Variants in CUL3 observed in about 807,000 individuals in gnomAD.
The protein encoded by CUL3 is cullin 3, also known as cullin-3.
Under a neutral mutation model 89.1 loss-of-function variants are expected in CUL3, and 19 were observed. That is an observed-to-expected ratio of 0.21 (90% CI 0.15 to 0.31). CUL3 has a LOEUF of 0.31. Among genes scored for constraint, CUL3 ranks in the 10% least tolerant of loss-of-function variants. CUL3 has a pLI of 1.00. For missense variants in CUL3, 469 were observed against 942.3 expected (o/e 0.50, Z 6.58); for synonymous variants, 351 against 308.4 (o/e 1.14, Z -1.45).
rs1691399068 is a variant in CUL3 at position 224,478,322 on chromosome 2, C to T, written c.2053G>A (p.Asp685Asn). The change falls in exon 15 of 16, where the codon GAC (aspartate) becomes AAC (asparagine). Residue 685 changes from aspartate (D) to asparagine (N), a missense_variant. Coordinates refer to ENST00000264414, the MANE Select transcript of CUL3 (RefSeq NM_003590.5). ...TGCCTTGTTTCTTTCCTCTCTGGGT[C>T]GGATTCACCTTGTTTGGCAGCAACT... ...QTVAAKQGESDPERKETRQKV... is the reference protein window; with the variant it reads ...QTVAAKQGESNPERKETRQKV... 1.2e-6 allele frequency: 2 copies of T among 1,612,810 alleles called. No homozygotes were observed. The highest frequency in any genetic ancestry group is 8.5e-7 in the Non-Finnish European group (1 of 1,179,460).
intron 13 of CUL3, among the ~76,000 whole-genome samples, chr2:224,491,960 A>G (rs1418000312): frequency 6.6e-6 from 1 of 152,160 alleles, no homozygotes; most frequent in Non-Finnish European, 1.5e-5. Flanking sequence ...ATCCTTTTTG[A>G]ACACAGTGCA....
At chr2:224,570,379 T>C (rs1249639840) in intron 1 of CUL3, among the ~76,000 whole-genome samples, 1 of 152,242 alleles carries the variant, frequency 6.6e-6, no homozygotes. Flanking sequence ...CAAAGCTCAC[T>C]TTCCTCATTT....
intron 2 of CUL3, among the ~76,000 whole-genome samples, chr2:224,555,427 A>T (rs188108437): frequency 2.6e-5 from 4 of 152,256 alleles, no homozygotes; most frequent in Admixed American, 2.0e-4. Context: ...TCAATTTTAC[A>T]TTTATAGCAT....
intron 14 of CUL3, among the ~76,000 whole-genome samples, chr2:224,481,350 T>C (rs1691531630): frequency 6.6e-6 from 1 of 151,864 alleles, no homozygotes; most frequent in Non-Finnish European, 1.5e-5. Flanking sequence ...TCTTACATTA[T>C]GTTAAATGTT....
intron 14 of CUL3, chr2:224,480,099 A>AGGTGGTGGT (rs71062931): frequency 1.3e-5 from 2 of 151,316 alleles, no homozygotes; most frequent in Non-Finnish European, 2.9e-5. Context: ...TGAGAAAGGC[A>AGGTGGTGGT]GGTGGTGGTG....
chr2:224,474,408 A>G, intron 15 of CUL3, 32 bp from the exon 16 acceptor site: 2 of 1,585,500 alleles, frequency 1.3e-6, no homozygotes, highest in Non-Finnish European at 1.7e-6. Context: ...ATTTTTATAT[A>G]AACACATAAA....
intron 3 of CUL3, among the ~76,000 whole-genome samples, chr2:224,516,430 C>T (rs1693052770): frequency 6.6e-6 from 1 of 151,218 alleles, no homozygotes; most frequent in Non-Finnish European, 1.5e-5. Flanking sequence ...GATTCTCCTG[C>T]CTCAGCCTCG....
chr2:224,548,522 T>G (rs1188582067), intron 2 of CUL3, among the ~76,000 whole-genome samples: 1 of 152,220 alleles, frequency 6.6e-6, no homozygotes, highest in African/African-American at 2.4e-5. Context: ...GAAACCAACT[T>G]TCAAAGTTCA....
rs543466188 is a variant in CUL3 at position 224,558,872 on chromosome 2, T to C, written c.67-1016A>G. Among the ~76,000 whole-genome samples the C allele has an allele frequency of 5.5e-3, 60 of 11,000 alleles. 1 individual carries two copies. Among genetic ancestry groups the C allele is most frequent in the African/African-American group, 6.5e-3 (4 of 616 alleles). 7.2% of individuals were successfully genotyped at this position (11,000 alleles called of 152,430 possible). On this transcript the variant is annotated intron_variant, in intron 1 of 15. Coordinates refer to ENST00000264414, the MANE Select transcript of CUL3 (RefSeq NM_003590.5). ...CCTGGCTAATACGGTCTCTACTAAA[T>C]ATACAAAAAATATACTAAATATACA... is the stretch of plus-strand genomic sequence containing the variant.
At chr2:224,512,941 A>C (rs1413566540) in intron 5 of CUL3, among the ~76,000 whole-genome samples, 1 of 152,150 alleles carries the variant, frequency 6.6e-6, no homozygotes, top group African/African-American at 2.4e-5. Context: ...CTACCACCTT[A>C]GACAGCAAGA....
chr2:224,476,168 C>A (rs1691312463), intron 15 of CUL3, among the ~76,000 whole-genome samples: 1 of 152,040 alleles, frequency 6.6e-6, no homozygotes, highest in African/African-American at 2.4e-5. Context: ...GGATTACAGG[C>A]ACCCACCACC....
At chr2:224,502,728 T>G (rs1021219429) in intron 10 of CUL3, among the ~76,000 whole-genome samples, 6 of 152,198 alleles carry the variant, frequency 3.9e-5, no homozygotes, top group Non-Finnish European at 8.8e-5. Context: ...CTTTATTAAA[T>G]TGTCAGTGTA....
At chr2:224,578,719 A>T (rs1360263746) in intron 1 of CUL3, among the ~76,000 whole-genome samples, 5 of 151,296 alleles carry the variant, frequency 3.3e-5, no homozygotes, top group East Asian at 1.9e-4. Flanking sequence ...AACTACTTTT[A>T]AAAAAAAGTT....
At position 224,524,355 on chromosome 2, in the gene CUL3, T is replaced by C. The variant is rs572117693; in HGVS notation, c.379-9583A>G. On this transcript the variant is annotated intron_variant, in intron 3 of 15. Transcript: ENST00000264414. ...AGGAGAGAAACACAAAGAGCCGCAA[T>C]TTCTGCAAGAAATTTTTCACTGAGA... 2.9e-4 allele frequency among the ~76,000 whole-genome samples: 44 copies of C among 152,246 alleles called. 1 individual carries two copies. Among genetic ancestry groups the C allele is most frequent in the Admixed American group, 3.9e-4 (6 of 15,286 alleles).
At chr2:224,526,173 G>C (rs920955477) in intron 3 of CUL3, among the ~76,000 whole-genome samples, 1 of 152,208 alleles carries the variant, frequency 6.6e-6, no homozygotes, top group African/African-American at 2.4e-5. Flanking sequence ...TAATGACAAA[G>C]CAGGAACTAG....
chr2:224,532,115 G>T (rs925263165), intron 3 of CUL3, among the ~76,000 whole-genome samples: 1 of 152,202 alleles, frequency 6.6e-6, no homozygotes, highest in African/African-American at 2.4e-5. Context: ...CAAGTTTGAA[G>T]TACTTCAGAG....
intron 6 of CUL3, among the ~76,000 whole-genome samples, chr2:224,508,716 T>C (rs1043471077): frequency 6.6e-6 from 1 of 152,088 alleles, no homozygotes; most frequent in African/African-American, 2.4e-5. Context: ...TCCCAACACT[T>C]TGGGAGGCTG....
At chr2:224,538,757 A>C (rs1386924333) in intron 2 of CUL3, among the ~76,000 whole-genome samples, 1 of 152,236 alleles carries the variant, frequency 6.6e-6, no homozygotes, top group Admixed American at 6.5e-5. Flanking sequence ...GATGAAGTGC[A>C]AGTAATGGAG....
intron 2 of CUL3, among the ~76,000 whole-genome samples, chr2:224,542,623 G>T (rs1461197207): frequency 6.6e-6 from 1 of 152,112 alleles, no homozygotes; most frequent in Non-Finnish European, 1.5e-5. Flanking sequence ...GCCCAAGCTG[G>T]TCTCGAAGTC....
Sources: allele counts gnomAD v4.1 joint callset (sites outside exome capture counted in the v4.1 genomes callset), GRCh38; gene constraint gnomAD v4.1.1; transcripts MANE v1.5; gene names NCBI Gene and HGNC (gene_info 2026-07-23, HGNC 2026-07-21).